TUBB4A: variants seen among roughly 807,000 people sequenced by gnomAD.
The protein encoded by TUBB4A is tubulin beta-4A chain.
In TUBB4A, 13 loss-of-function variants were observed where a neutral mutation model predicts 35.1. The observed-to-expected ratio is 0.37, with a 90% CI of 0.24 to 0.59. TUBB4A has a LOEUF of 0.59. Among genes scored for constraint, TUBB4A ranks in the 20% least tolerant of loss-of-function variants. The pLI is 0.71. For synonymous variants in TUBB4A, 279 were observed against 272.4 expected, an observed-to-expected ratio of 1.02 and a Z score of -0.24; for missense variants, 299 against 647.2, an observed-to-expected ratio of 0.46 and a Z score of 5.84.
chr19:6,499,637 A>C (rs1331791037), intron 3 of TUBB4A, among the ~76,000 whole-genome samples: 1 of 152,180 alleles, frequency 6.6e-6, no homozygotes, highest in African/African-American at 2.4e-5. Flanking sequence ...CCTCCGTCTT[A>C]AACATCTTTC....
rs1228732624 is a variant in TUBB4A at position 6,501,229 on chromosome 19, T to C, written c.277+58A>G. ...GCCCCGGTGGTGGCTGTTGACTCTG[T>C]GGTGTTAGCAGGAATAAGGAGGTTT... On this transcript the variant is annotated intron_variant, in intron 3 of 3. Transcript: ENST00000264071. The surrounding 1 kb of genome is among the most constrained non-coding windows in gnomAD (Gnocchi z 4.2). 1 of 1,442,620 alleles carries C rather than the reference T, an allele frequency of 6.9e-7. No individual in the cohort carries two copies. The allele number at this position is 1,442,620 out of a possible 1,614,324, so 89.4% of individuals were successfully genotyped here.
Position 6,501,688 on chromosome 19 carries a change from C to A in TUBB4A, c.58-65G>T. The A allele has an allele frequency of 7.2e-7, 1 of 1,386,316 alleles. No individual in the cohort carries two copies. The highest frequency in any genetic ancestry group is 1.0e-6 in the Non-Finnish European group (1 of 989,474). The allele number at this position is 1,386,316 out of a possible 1,614,324, so 85.9% of individuals were successfully genotyped here. On this transcript the variant is annotated intron_variant, in intron 1 of 3. Coordinates refer to ENST00000264071, the MANE Select transcript of TUBB4A (RefSeq NM_006087.4). This position sits in a 1 kb window ranked among gnomAD's most constrained non-coding sequence, Gnocchi z 4.2. ...GCCGGTGGCCAAGCCGAGGACTGCCCCCAGCCCCCAACTAGCTCCCTAGCT... is the reference window on the plus strand; with the variant it reads ...GCCGGTGGCCAAGCCGAGGACTGCCACCAGCCCCCAACTAGCTCCCTAGCT...
intron 3 of TUBB4A, among the ~76,000 whole-genome samples, chr19:6,496,693 G>A (rs575024508): frequency 7.4e-5 from 11 of 147,842 alleles, no homozygotes; most frequent in Middle Eastern, 3.7e-3. Context: ...GCTGGTGAGC[G>A]ATCGTAGTCC....
In TUBB4A at chr19:6,501,413, T is replaced by C; in HGVS notation, c.167-16A>G. 1.2e-6 allele frequency: 2 copies of C among 1,610,606 alleles called. No homozygotes were observed. Among genetic ancestry groups the C allele is most frequent in the Non-Finnish European group, 1.7e-6 (2 of 1,177,346 alleles). On this transcript the variant is annotated splice_polypyrimidine_tract_variant and intron_variant, in intron 2 of 3. Transcript: ENST00000264071. The surrounding 1 kb of genome is among the most constrained non-coding windows in gnomAD (Gnocchi z 4.2). ...TAATTTCCTCCTGCAGGGAAACAGA[T>C]GGAGGGCAGTTCGATGCGTGCCAGG... is the stretch of plus-strand genomic sequence containing the variant.
chr19:6,501,425 C>A lies in TUBB4A; in HGVS notation c.167-28G>T. 6.2e-7 allele frequency: 1 copy of A among 1,607,600 alleles called. No homozygotes were observed. The highest frequency in any genetic ancestry group is 8.5e-7 in the Non-Finnish European group (1 of 1,175,332). On this transcript the variant is annotated intron_variant, in intron 2 of 3. Transcript: ENST00000264071. This position sits in a 1 kb window ranked among gnomAD's most constrained non-coding sequence, Gnocchi z 4.2. ...GCAGGGAAACAGATGGAGGGCAGTTCGATGCGTGCCAGGAACCACAGGCGC... is the reference window on the plus strand; with the variant it reads ...GCAGGGAAACAGATGGAGGGCAGTTAGATGCGTGCCAGGAACCACAGGCGC...
chr19:6,499,886 C>G (rs565636160), intron 3 of TUBB4A, among the ~76,000 whole-genome samples: 5 of 151,850 alleles, frequency 3.3e-5, no homozygotes, highest in African/African-American at 1.2e-4. Flanking sequence ...CAACCTCTGC[C>G]GTTCAAGCAA....
Position 6,495,206 on chromosome 19 carries a change from C to T in TUBB4A, c.1293G>A (p.Glu431=). 1 of 1,613,980 alleles carries T rather than the reference C, an allele frequency of 6.2e-7. No individual in the cohort carries two copies. The highest frequency in any genetic ancestry group is 8.5e-7 in the Non-Finnish European group (1 of 1,179,892). The change falls in exon 4 of 4, where the codon GAG becomes GAA. Residue 431 remains glutamate, a synonymous_variant. Coordinates refer to ENST00000264071, the MANE Select transcript of TUBB4A (RefSeq NM_006087.4). This position sits in a 1 kb window ranked among gnomAD's most constrained non-coding sequence, Gnocchi z 8.7. ...EYQQYQDATA[E]EGEFEEEAEE... ...CCGCCTCCTCCTCGAACTCGCCCTC[C>T]TCGGCCGTGGCGTCCTGGTACTGCT... is the stretch of plus-strand genomic sequence containing the variant.
In TUBB4A at chr19:6,501,152, T is replaced by C. The variant is rs1449322928; in HGVS notation, c.277+135A>G. 3 of 673,280 alleles carry C rather than the reference T, an allele frequency of 4.5e-6. No homozygotes were observed. 41.7% of individuals were successfully genotyped at this position (673,280 alleles called of 1,614,324 possible). A position where few individuals can be genotyped will look rare whatever the true frequency, so the allele number is the denominator to read the frequency against. ...CCTGAGCATCCCCTCATCACAGCCC[T>C]GGATGCAGGGCTGGTGCCTGGTGCC... is the stretch of plus-strand genomic sequence containing the variant. On this transcript the variant is annotated intron_variant, in intron 3 of 3. Coordinates refer to ENST00000264071, the MANE Select transcript of TUBB4A (RefSeq NM_006087.4). This position sits in a 1 kb window ranked among gnomAD's most constrained non-coding sequence, Gnocchi z 4.2.
At chr19:6,497,234 T>C (rs1379516150) in intron 3 of TUBB4A, among the ~76,000 whole-genome samples, 1 of 149,752 alleles carries the variant, frequency 6.7e-6, no homozygotes, top group East Asian at 2.0e-4. Flanking sequence ...ATAATAACAA[T>C]AAAAAGATTA....
Position 6,501,809 on chromosome 19 carries a change from G to C in TUBB4A, c.58-186C>G. On this transcript the variant is annotated intron_variant, in intron 1 of 3. Coordinates refer to ENST00000264071, the MANE Select transcript of TUBB4A (RefSeq NM_006087.4). This position sits in a 1 kb window ranked among gnomAD's most constrained non-coding sequence, Gnocchi z 4.2. ...GAAGGAGCGGTGGGGGCGGGGTGCAGCCGAGTCAGCACCCAGCGGGGCCGG... is the reference window on the plus strand; with the variant it reads ...GAAGGAGCGGTGGGGGCGGGGTGCACCCGAGTCAGCACCCAGCGGGGCCGG... The C allele has an allele frequency of 1.6e-6, 1 of 608,606 alleles. No individual in the cohort carries two copies. The highest frequency in any genetic ancestry group is 2.9e-6 in the Non-Finnish European group (1 of 346,832). The allele number at this position is 608,606 out of a possible 1,614,324, so 37.7% of individuals were successfully genotyped here.
In TUBB4A at chr19:6,502,227, G is replaced by A; in HGVS notation, c.-15C>T. ...ATCTCCCGCATGGCGGTGGCGCTGA[G>A]GGTGGACGCGGCGGCGGTGGCACGA... On this transcript the variant is annotated 5_prime_UTR_variant, in exon 1 of 4. Transcript: ENST00000264071. 5 of 1,524,516 alleles carry A rather than the reference G, an allele frequency of 3.3e-6. No homozygotes were observed. The highest frequency in any genetic ancestry group is 3.5e-6 in the Non-Finnish European group (4 of 1,144,860). 94.4% of individuals were successfully genotyped at this position (1,524,516 alleles called of 1,614,324 possible).
rs1017194318 is a variant in TUBB4A at position 6,501,894 on chromosome 19, G to A, written c.57+262C>T. ...AGGCACCGGGGCTCTTTGTGCGTGA[G>A]GAGGGGACAGTGGCCCAGCTGTGGG... On this transcript the variant is annotated intron_variant, in intron 1 of 3. Coordinates refer to ENST00000264071, the MANE Select transcript of TUBB4A (RefSeq NM_006087.4). This position sits in a 1 kb window ranked among gnomAD's most constrained non-coding sequence, Gnocchi z 4.2. 5.1e-6 allele frequency: 3 copies of A among 587,224 alleles called. No homozygotes were observed. Among genetic ancestry groups the A allele is most frequent in the East Asian group, 2.9e-5 (1 of 34,502 alleles). The allele number at this position is 587,224 out of a possible 1,614,324, so 36.4% of individuals were successfully genotyped here. A position where few individuals can be genotyped will look rare whatever the true frequency, so the allele number is the denominator to read the frequency against.
chr19:6,496,145 G>A lies in TUBB4A; in HGVS notation c.354C>T (p.Asp118=), dbSNP rs748051542. 8 of 1,614,038 alleles carry A rather than the reference G, an allele frequency of 5.0e-6. No homozygotes were observed. Among genetic ancestry groups the A allele is most frequent in the South Asian group, 3.3e-5 (3 of 91,088 alleles). ...AGCTCTCGGCCTCCTTCCGGACTAC[G>A]TCCAGGACAGCGTCCACCAGCTCTG... is the stretch of plus-strand genomic sequence containing the variant. ...EGAELVDAVL[D]VVRKEAESCD... is the part of the protein sequence containing the mutation. Residue 118 remains aspartate (D), a synonymous_variant, in exon 4 of 4, where the codon GAC becomes GAT. Coordinates refer to ENST00000264071, the MANE Select transcript of TUBB4A (RefSeq NM_006087.4).
intron 1 of TUBB4A, 105 bp downstream of exon 1, chr19:6,502,051 C>G (rs1298720459): frequency 9.9e-6 from 13 of 1,307,554 alleles, no homozygotes; most frequent in Admixed American, 2.7e-5. Flanking sequence ...TCCTGGGGAC[C>G]TCATTCCTTT....
rs946003107 is a variant in TUBB4A at position 6,494,988 on chromosome 19, G to A, written c.*176C>T. The A allele has an allele frequency of 1.5e-5, 11 of 736,662 alleles. No individual in the cohort carries two copies. In the African/African-American group the frequency reaches 1.6e-4, roughly 11 times the overall value. 45.6% of individuals were successfully genotyped at this position (736,662 alleles called of 1,614,324 possible). A position where few individuals can be genotyped will look rare whatever the true frequency, so the allele number is the denominator to read the frequency against. ...TTAAAGATAAATTAGGGCTCAAAGGGGAGCCAGGGTCGGAGATGAAGTAGC... is the reference window on the plus strand; with the variant it reads ...TTAAAGATAAATTAGGGCTCAAAGGAGAGCCAGGGTCGGAGATGAAGTAGC... On this transcript the variant is annotated 3_prime_UTR_variant, in exon 4 of 4. Coordinates refer to ENST00000264071, the MANE Select transcript of TUBB4A (RefSeq NM_006087.4).
chr19:6,497,027 ATATAT>A (rs1914268673), intron 3 of TUBB4A, among the ~76,000 whole-genome samples: 19 of 15,968 alleles, frequency 1.2e-3, no homozygotes, highest in Non-Finnish European at 1.4e-3. Flanking sequence ...AAAAAAAAAT[ATATAT>A]ATATATATAT....
Position 6,495,397 on chromosome 19 carries a change from T to C in TUBB4A, c.1102A>G (p.Ile368Val), listed in dbSNP as rs1914094166. The C allele has an allele frequency of 7.4e-6, 12 of 1,613,970 alleles. No homozygotes were observed. Among genetic ancestry groups the C allele is most frequent in the Non-Finnish European group, 9.3e-6 (11 of 1,180,010 alleles). The change falls in exon 4 of 4, where the codon ATC becomes GTC. Residue 368 changes from isoleucine (I) to valine (V), a missense_variant. Around this residue, in one of 5 missense-constraint regions of TUBB4A, gnomAD observed 125 missense variants for 279.1 expected, o/e 0.45. Coordinates refer to ENST00000264071, the MANE Select transcript of TUBB4A (RefSeq NM_006087.4). The surrounding 1 kb of genome is among the most constrained non-coding windows in gnomAD (Gnocchi z 8.7). The part of the protein sequence containing the change: ...PRGLKMAATF[I>V]GNSTAIQELF... ...TCCTGGATGGCCGTGCTGTTGCCGA[T>C]GAAGGTCGCGGCCATCTTCAGGCCG...
At chr19:6,498,128 G>A (rs571111820) in intron 3 of TUBB4A, among the ~76,000 whole-genome samples, 29 of 145,142 alleles carry the variant, frequency 2.0e-4, no homozygotes, top group Middle Eastern at 4.1e-3. Flanking sequence ...GGAGAATGGC[G>A]TGAACCCAGG....
chr19:6,495,104 G>T lies in TUBB4A; in HGVS notation c.*60C>A. On this transcript the variant is annotated 3_prime_UTR_variant, in exon 4 of 4. Transcript: ENST00000264071. The surrounding 1 kb of genome is among the most constrained non-coding windows in gnomAD (Gnocchi z 8.7). ...GGGGCTCTAGGGTTCAGAGATGGGG[G>T]GCCTAGCGGATCAAAGGTCAGAAGC... 6.3e-7 allele frequency: 1 copy of T among 1,585,276 alleles called. No homozygotes were observed. The highest frequency in any genetic ancestry group is 8.6e-7 in the Non-Finnish European group (1 of 1,161,776).
Sources: gnomAD v4.1 joint callset for allele counts (sites outside exome capture counted in the v4.1 genomes callset) on GRCh38, gnomAD v4.1.1 for gene constraint, gnomAD v4.1.1 regional missense constraint, Gnocchi (gnomAD v3.1) non-coding constraint, MANE v1.5 for transcripts, NCBI Gene and HGNC (gene_info 2026-07-23, HGNC 2026-07-21) for gene names.